The following DPRX variants were observed in gnomAD, a reference collection of about 807,000 sequenced individuals.
The protein encoded by DPRX is divergent paired-related homeobox.
DPRX carries 11 observed loss-of-function variants against 8.4 expected under a neutral mutation model. That is an observed-to-expected ratio of 1.31 (90% CI 0.82 to 2.17). The LOEUF is 2.17. DPRX is among the 30% of genes most tolerant of loss of function. DPRX has a pLI of 0.00. For missense variants in DPRX, 211 were observed against 236.7 expected, an observed-to-expected ratio of 0.89 and a Z score of 0.71; for synonymous variants, 72 against 87.0, an observed-to-expected ratio of 0.83 and a Z score of 0.96.
upstream of DPRX, chr19:53,630,048 A>G (rs1032273045): frequency 2.0e-5 from 3 of 151,310 alleles, no homozygotes; most frequent in Non-Finnish European, 4.4e-5. Flanking sequence ...CTCTACTAAA[A>G]ATACAAAAAA....
chr19:53,626,683 G>A, the DPRX span, among the ~76,000 whole-genome samples: 1 of 152,124 alleles, frequency 6.6e-6, no homozygotes, highest in African/African-American at 2.4e-5. Flanking sequence ...GTTAGTCAAG[G>A]CGTGAGGTTC....
At chr19:53,629,315 CAAA>C (rs57730463), upstream of DPRX, among the ~76,000 whole-genome samples, 18 of 102,620 alleles carry the variant, frequency 1.8e-4, no homozygotes, top group Admixed American at 6.2e-4. Flanking sequence ...GACTCTGTCT[CAAA>C]AAAAAAAAAA....
At chr19:53,626,585 C>T in the DPRX span, among the ~76,000 whole-genome samples, 1 of 152,168 alleles carries the variant, frequency 6.6e-6, no homozygotes, top group African/African-American at 2.4e-5. Flanking sequence ...GATTGTGCCC[C>T]AGGCACAGAT....
At chr19:53,631,527 C>T (rs2091092692), upstream of DPRX, among the ~76,000 whole-genome samples, 1 of 151,972 alleles carries the variant, frequency 6.6e-6, no homozygotes, top group Admixed American at 6.6e-5. Flanking sequence ...CCACCCCAGA[C>T]CGAGTCAGAA....
chr19:53,632,783 C>T (rs1462016959), intron 1 of DPRX, among the ~76,000 whole-genome samples: 10 of 152,184 alleles, frequency 6.6e-5, no homozygotes, highest in East Asian at 1.9e-4. Context: ...GCAGGGAAGC[C>T]TGTTTCTGCC....
At chr19:53,602,879 T>C in the DPRX span, among the ~76,000 whole-genome samples, 1 of 151,718 alleles carries the variant, frequency 6.6e-6, no homozygotes, top group Non-Finnish European at 1.5e-5. Context: ...GGTTTCACCA[T>C]GTTGGCCAGG....
chr19:53,624,756 C>T, the DPRX span, among the ~76,000 whole-genome samples: 1 of 148,044 alleles, frequency 6.8e-6, no homozygotes, highest in East Asian at 2.0e-4. Context: ...GCACGAGAAT[C>T]GCTTGAACCC....
At chr19:53,616,019 G>A in the DPRX span, among the ~76,000 whole-genome samples, 4 of 152,092 alleles carry the variant, frequency 2.6e-5, no homozygotes, top group Non-Finnish European at 5.9e-5. Context: ...TTGGGACGCC[G>A]AGGCGGGTGG....
the DPRX span, among the ~76,000 whole-genome samples, chr19:53,616,024 G>A: frequency 3.3e-5 from 5 of 152,044 alleles, no homozygotes; most frequent in East Asian, 3.9e-4. Flanking sequence ...ACGCCGAGGC[G>A]GGTGGATCAC....
At chr19:53,634,760 T>C (rs2091106022) in intron 2 of DPRX, 75 bp downstream of exon 2, 1 of 1,516,160 alleles carries the variant, frequency 6.6e-7, no homozygotes. Context: ...CTAGGATAAT[T>C]CCTGAGGTCT....
chr19:53,632,200 G>T, intron 1 of DPRX, 66 bp downstream of exon 1: 1 of 1,612,210 alleles, frequency 6.2e-7, no homozygotes, highest in South Asian at 1.1e-5. Context: ...CTGGCGGCGG[G>T]AAAAGGCAGA....
At chr19:53,601,483 C>CTTTT in the DPRX span, 28 of 308,770 alleles carry the variant, frequency 9.1e-5, no homozygotes, top group South Asian at 2.0e-4. Context: ...AATGCCTATT[C>CTTTT]TTTTTTTTTT....
At chr19:53,636,987 G>A (rs760665050) in exon 3 of DPRX, 11 of 1,589,992 alleles carry the variant, frequency 6.9e-6, no homozygotes, top group Non-Finnish European at 9.4e-6. Flanking sequence ...CGAGAGAGAT[G>A]ATAAATACAA....
the DPRX span, chr19:53,604,415 A>ACC: frequency 6.5e-6 from 1 of 152,728 alleles, no homozygotes; most frequent in African/African-American, 2.4e-5. Flanking sequence ...GAGGACAAGA[A>ACC]CAGAAAAAGC....
At chr19:53,634,781 G>A (rs970139822) in intron 2 of DPRX, 96 bp downstream of exon 2, 5 of 1,466,090 alleles carry the variant, frequency 3.4e-6, no homozygotes, top group African/African-American at 1.4e-5. Flanking sequence ...CATTCCAATC[G>A]CCAATATTCC....
chr19:53,602,796 C>T, the DPRX span, among the ~76,000 whole-genome samples: 2 of 151,350 alleles, frequency 1.3e-5, no homozygotes, highest in East Asian at 2.0e-4. Context: ...GGCACCCGGC[C>T]TCCCAGAGTG....
the DPRX span, among the ~76,000 whole-genome samples, chr19:53,623,756 G>C: frequency 6.6e-6 from 1 of 152,176 alleles, no homozygotes; most frequent in African/African-American, 2.4e-5. Context: ...TTTGACACCA[G>C]CCTGGCCAAC....
intron 2 of DPRX, among the ~76,000 whole-genome samples, chr19:53,635,794 ATTC>A (rs1341547486): frequency 6.6e-6 from 1 of 152,090 alleles, no homozygotes; most frequent in African/African-American, 2.4e-5. Flanking sequence ...CGTAAAGCCT[ATTC>A]TTAGTGCATG....
At chr19:53,601,529 T>C in the DPRX span, among the ~76,000 whole-genome samples, 1 of 150,008 alleles carries the variant, frequency 6.7e-6, no homozygotes, top group Non-Finnish European at 1.5e-5. Flanking sequence ...TCACCCAGGC[T>C]GGAGTGCAGT....
Sources: allele counts gnomAD v4.1 joint callset (sites outside exome capture counted in the v4.1 genomes callset), GRCh38; gene constraint gnomAD v4.1.1; transcripts MANE v1.5; gene names NCBI Gene and HGNC (gene_info 2026-07-23, HGNC 2026-07-21).